PPM1H: variants seen among roughly 807,000 people sequenced by gnomAD.
PPM1H encodes the protein protein phosphatase 1H.
In PPM1H, 27 loss-of-function variants were observed where a neutral mutation model predicts 54.9. The ratio of observed to expected loss-of-function variants is 0.49; its 90% confidence interval spans 0.36 to 0.68. The LOEUF is 0.68. PPM1H is among the 30% of genes least tolerant of loss of function. The pLI, the probability that PPM1H is intolerant of heterozygous loss-of-function variation, is 0.00. For missense variants in PPM1H, 596 were observed against 667.8 expected (o/e 0.89, Z 1.19); for synonymous variants, 305 against 270.8 (o/e 1.13, Z -1.24).
At chr12:62,807,988 C>T (rs479646) in intron 2 of PPM1H, among the ~76,000 whole-genome samples, 17,816 of 152,180 alleles carry the variant, frequency 0.12, 1,306 homozygotes, top group African/African-American at 0.21. Context: ...CAGGCATGTG[C>T]CACCACATCC....
chr12:62,674,712 T>C (rs542732776), intron 8 of PPM1H, among the ~76,000 whole-genome samples: 4 of 152,216 alleles, frequency 2.6e-5, no homozygotes, highest in Non-Finnish European at 5.9e-5. Flanking sequence ...CAAAGGTAAA[T>C]GGGATACTGA....
chr12:62,741,610 G>A (rs2076381203), intron 4 of PPM1H, among the ~76,000 whole-genome samples: 1 of 152,068 alleles, frequency 6.6e-6, no homozygotes, highest in East Asian at 1.9e-4. Flanking sequence ...TGTCCTCCTG[G>A]CCTACCCTCC....
At chr12:62,851,030 T>C (rs1028967192) in intron 1 of PPM1H, 24 of 152,168 alleles carry the variant, frequency 1.6e-4, no homozygotes, top group Non-Finnish European at 2.9e-5. Context: ...AAGTCAACTG[T>C]TGAAATACAT....
chr12:62,832,014 C>T (rs1868369851), intron 2 of PPM1H, 100 bp downstream of exon 2: 2 of 1,397,168 alleles, frequency 1.4e-6, no homozygotes, highest in Non-Finnish European at 9.8e-7. Flanking sequence ...TGCTTTCTCA[C>T]TTCCATTCCA....
At chr12:62,658,182 ATTTTTTTTTTTTT>A (rs1173229360) in intron 9 of PPM1H, among the ~76,000 whole-genome samples, 3,789 of 87,608 alleles carry the variant, frequency 0.043, 201 homozygotes, top group African/African-American at 0.15. Flanking sequence ...AACACGGTGA[ATTTTTTTTTTTTT>A]TTTTTTTTTT....
chr12:62,660,857 T>TA (rs1346905045), intron 9 of PPM1H, among the ~76,000 whole-genome samples: 7 of 152,220 alleles, frequency 4.6e-5, no homozygotes, highest in Non-Finnish European at 1.0e-4. Flanking sequence ...CAATATTGTG[T>TA]AATTACTTAA....
intron 1 of PPM1H, among the ~76,000 whole-genome samples, chr12:62,931,201 G>A (rs1038915078): frequency 1.3e-5 from 2 of 152,280 alleles, no homozygotes; most frequent in South Asian, 2.1e-4. Flanking sequence ...GGCTTGGAAC[G>A]TGACTCACTT....
intron 6 of PPM1H, among the ~76,000 whole-genome samples, chr12:62,697,150 A>G (rs28377493): frequency 0.2 from 29,957 of 150,424 alleles, 4,336 homozygotes; most frequent in African/African-American, 0.41. Flanking sequence ...TTTTTGAGAC[A>G]GAGTCTCGCT....
At chr12:62,864,492 C>A (rs1869708034) in intron 1 of PPM1H, among the ~76,000 whole-genome samples, 1 of 152,174 alleles carries the variant, frequency 6.6e-6, no homozygotes, top group Admixed American at 6.6e-5. Flanking sequence ...AGAATTTTAG[C>A]TTTGCAGGAT....
Position 62,801,991 on chromosome 12 carries a change from TC to T in PPM1H, c.580del (p.Glu194ArgfsTer13). On this transcript the variant is annotated frameshift_variant, in exon 3 of 10. Transcript: ENST00000228705. LOFTEE classifies it high-confidence loss of function. ...GTTGGCGGGCGTGTTCTCAGGCTCC[TC>T]CCCCAGGCAGGTAGGGGGCAGGACG... ...SAVLPPTCLG[E>X]EPENTPANSR... 1 of 1,612,986 alleles carries T rather than the reference TC, an allele frequency of 6.2e-7. No homozygotes were observed. Among genetic ancestry groups the T allele is most frequent in the Non-Finnish European group, 8.5e-7 (1 of 1,179,458 alleles).
At chr12:62,677,445 C>G (rs1045485988) in intron 8 of PPM1H, among the ~76,000 whole-genome samples, 3 of 152,186 alleles carry the variant, frequency 2.0e-5, no homozygotes, top group African/African-American at 7.2e-5. Flanking sequence ...GGTTGTGATG[C>G]CCTCTTTGGG....
chr12:62,687,488 C>T (rs547780764), intron 8 of PPM1H, among the ~76,000 whole-genome samples: 2 of 151,840 alleles, frequency 1.3e-5, no homozygotes, highest in Non-Finnish European at 2.9e-5. Flanking sequence ...TGGTCTCAAG[C>T]AATCCTCCTG....
chr12:62,788,310 G>A lies in PPM1H; in HGVS notation c.785C>T (p.Ser262Leu). 6.3e-7 allele frequency: 1 copy of A among 1,584,680 alleles called. No homozygotes were observed. Among genetic ancestry groups the A allele is most frequent in the Non-Finnish European group, 8.6e-7 (1 of 1,163,958 alleles). The change falls in exon 4 of 10, where the codon TCA (serine) becomes TTA (leucine). Residue 262 changes from serine to leucine, a missense_variant. Physicochemically the swap from Ser to Leu is moderately radical, Grantham distance 145. Coordinates refer to ENST00000228705, the MANE Select transcript of PPM1H (RefSeq NM_020700.2). ...MDLQIERERS[S>L]YNISGGCTAL... The stretch of plus-strand genomic sequence containing the variant: ...CGTGCAGCCACCAGATATATTATAT[G>A]AACTCCTCTCTCGTTCTATCTGTAG...
At chr12:62,815,643 C>T (rs2076862120) in intron 2 of PPM1H, among the ~76,000 whole-genome samples, 1 of 152,152 alleles carries the variant, frequency 6.6e-6, no homozygotes, top group African/African-American at 2.4e-5. Flanking sequence ...TTATTGAGCA[C>T]CTACCCCATG....
intron 8 of PPM1H, among the ~76,000 whole-genome samples, chr12:62,688,428 TAAA>T (rs10556503): frequency 2.1e-4 from 32 of 149,096 alleles, no homozygotes; most frequent in African/African-American, 7.3e-4. Flanking sequence ...CAAAAGTAAT[TAAA>T]AAAAAAAAAT....
intron 4 of PPM1H, among the ~76,000 whole-genome samples, chr12:62,765,572 A>C (rs2076537645): frequency 6.6e-6 from 1 of 152,242 alleles, no homozygotes; most frequent in South Asian, 2.1e-4. Context: ...TTTTGAGAGA[A>C]TACAAAGATA....
intron 1 of PPM1H, among the ~76,000 whole-genome samples, chr12:62,860,450 T>C (rs900296117): frequency 2.6e-5 from 4 of 152,014 alleles, no homozygotes; most frequent in Non-Finnish European, 5.9e-5. Context: ...TTAATATATA[T>C]CCATTTAAAA....
At chr12:62,740,908 T>C (rs1406155496) in intron 4 of PPM1H, among the ~76,000 whole-genome samples, 1 of 152,234 alleles carries the variant, frequency 6.6e-6, no homozygotes, top group African/African-American at 2.4e-5. Context: ...TAATATCTGC[T>C]GCATGGATAA....
intron 4 of PPM1H, among the ~76,000 whole-genome samples, chr12:62,766,424 T>C (rs759254435): frequency 2.8e-5 from 4 of 145,308 alleles, no homozygotes; most frequent in Non-Finnish European, 6.0e-5. Flanking sequence ...AGGAATTAAG[T>C]TAATACAAAA....
Sources: allele counts gnomAD v4.1 joint callset (sites outside exome capture counted in the v4.1 genomes callset), GRCh38; gene constraint gnomAD v4.1.1; transcripts MANE v1.5; gene names NCBI Gene and HGNC (gene_info 2026-07-23, HGNC 2026-07-21).